Variants in FBXO15 observed in about 807,000 individuals in gnomAD.
FBXO15 encodes F-box only protein 15.
In FBXO15, 30 loss-of-function variants were observed where a neutral mutation model predicts 49.5. The observed-to-expected ratio is 0.61, with a 90% confidence interval of 0.45 to 0.82. The LOEUF is 0.82. FBXO15 is among the 40% of genes least tolerant of loss of function. The pLI is 0.00. For missense variants in FBXO15, 591 were observed against 631.5 expected (o/e 0.94, Z 0.69); for synonymous variants, 250 against 232.7 (o/e 1.07, Z -0.68).
chr18:74,144,395 T>A (rs1427382100), intron 1 of FBXO15, among the ~76,000 whole-genome samples: 1 of 150,592 alleles, frequency 6.6e-6, no homozygotes, highest in Non-Finnish European at 1.5e-5. Context: ...CTGTAATAAG[T>A]TGGGGGGTGG....
chr18:74,140,584 A>T (rs544497819), intron 1 of FBXO15: 1 of 361,188 alleles, frequency 2.8e-6, no homozygotes, highest in South Asian at 4.4e-5. Flanking sequence ...CTTGATGGTA[A>T]GGAAGGAAGA....
intron 9 of FBXO15, among the ~76,000 whole-genome samples, chr18:74,077,529 G>C (rs1408289751): frequency 3.3e-5 from 5 of 152,190 alleles, no homozygotes; most frequent in Admixed American, 2.6e-4. Flanking sequence ...TCCTGGAACA[G>C]CAGCGACCAG....
In FBXO15 at chr18:74,075,023, T is replaced by G. The variant is rs1912202977; in HGVS notation, c.1264-1293A>C. 6.6e-6 allele frequency among the ~76,000 whole-genome samples: 1 copy of G among 152,170 alleles called. No individual in the cohort carries two copies. Among genetic ancestry groups the G allele is most frequent in the Non-Finnish European group, 1.5e-5 (1 of 68,024 alleles). On this transcript the variant is annotated intron_variant, in intron 9 of 9. Transcript: ENST00000419743. The surrounding 1 kb of genome is among the most constrained non-coding windows in gnomAD (Gnocchi z 4.1). ...CCCCAGCCCCAGAGGAGCGCAGTTA[T>G]TTTCTATCTGTCTGGACCTGAGCAC...
At chr18:74,139,253 C>T (rs574371273) in intron 2 of FBXO15, among the ~76,000 whole-genome samples, 2 of 152,234 alleles carry the variant, frequency 1.3e-5, no homozygotes, top group African/African-American at 4.8e-5. Context: ...GCCTCCCCGA[C>T]TAATCATCAG....
At chr18:74,134,844 A>C (rs947500905) in intron 3 of FBXO15, among the ~76,000 whole-genome samples, 2 of 151,976 alleles carry the variant, frequency 1.3e-5, no homozygotes, top group Non-Finnish European at 2.9e-5. Context: ...GGGTTAACTA[A>C]TATGACAGCT....
At chr18:74,138,134 C>T (rs1317185609) in intron 2 of FBXO15, among the ~76,000 whole-genome samples, 1 of 152,120 alleles carries the variant, frequency 6.6e-6, no homozygotes, top group Non-Finnish European at 1.5e-5. Context: ...TCTCCCCACC[C>T]CCATCTCTCT....
intron 8 of FBXO15, among the ~76,000 whole-genome samples, chr18:74,082,444 A>C (rs1912543290): frequency 1.3e-5 from 2 of 152,228 alleles, no homozygotes; most frequent in African/African-American, 4.8e-5. Flanking sequence ...AGAAATGGCA[A>C]AGAAACAAGG....
intron 8 of FBXO15, among the ~76,000 whole-genome samples, chr18:74,086,632 G>A (rs1479729391): frequency 6.6e-6 from 1 of 152,142 alleles, no homozygotes; most frequent in East Asian, 1.9e-4. Flanking sequence ...GAATGGTCTC[G>A]ATCTCCTGAC....
At chr18:74,078,017 T>C (rs187074749) in intron 9 of FBXO15, among the ~76,000 whole-genome samples, 183 of 152,140 alleles carry the variant, frequency 1.2e-3, no homozygotes, top group Non-Finnish European at 2.3e-3. Flanking sequence ...TGCGAGAAGG[T>C]TGAGGAGGAG....
At chr18:74,145,593 A>AGTTT (rs1568186088) in intron 1 of FBXO15, among the ~76,000 whole-genome samples, 1 of 108,144 alleles carries the variant, frequency 9.2e-6, no homozygotes, top group African/African-American at 4.5e-5. Context: ...AACCAACTGC[A>AGTTT]CTTTTTTTTT....
chr18:74,142,658 C>T (rs1979156413), intron 1 of FBXO15, among the ~76,000 whole-genome samples: 1 of 152,266 alleles, frequency 6.6e-6, no homozygotes, highest in South Asian at 2.1e-4. Flanking sequence ...GTCTCTGTGC[C>T]TCTTCTTATA....
intron 8 of FBXO15, among the ~76,000 whole-genome samples, chr18:74,115,084 T>C (rs1439880657): frequency 6.6e-6 from 1 of 152,046 alleles, no homozygotes; most frequent in Non-Finnish European, 1.5e-5. Context: ...CACGCCAAAA[T>C]AGAACATCCT....
chr18:74,130,863 T>G (rs576196354), intron 3 of FBXO15: 1 of 522,948 alleles, frequency 1.9e-6, no homozygotes, highest in Admixed American at 3.7e-5. Context: ...AAAACACATT[T>G]TAAAAAAAGG....
intron 8 of FBXO15, among the ~76,000 whole-genome samples, chr18:74,102,522 C>T (rs1399064739): frequency 6.6e-6 from 1 of 152,164 alleles, no homozygotes; most frequent in African/African-American, 2.4e-5. Flanking sequence ...TAAACTAGTA[C>T]AACCACTGTG....
intron 8 of FBXO15, among the ~76,000 whole-genome samples, chr18:74,095,496 C>T (rs776442290): frequency 8.5e-5 from 13 of 152,102 alleles, no homozygotes; most frequent in Non-Finnish European, 1.6e-4. Context: ...GGGAGAAGGA[C>T]GGCTGAACAG....
intron 8 of FBXO15, among the ~76,000 whole-genome samples, chr18:74,115,683 C>G (rs1050090492): frequency 2.0e-5 from 3 of 152,266 alleles, no homozygotes; most frequent in Admixed American, 2.0e-4. Flanking sequence ...TAAAGAAATA[C>G]ATATGTATCT....
intron 8 of FBXO15, among the ~76,000 whole-genome samples, chr18:74,117,264 A>G (rs960343559): frequency 4.6e-5 from 7 of 152,086 alleles, no homozygotes; most frequent in African/African-American, 1.7e-4. Flanking sequence ...TACTGGGGGG[A>G]AAATCACAAA....
Position 74,074,414 on chromosome 18 carries a change from C to A in FBXO15, c.1264-684G>T, listed in dbSNP as rs968927661. ...AGCCTCCAGTATCCTGGACTCTCAA[C>A]TCCTGAGCTGGTCAACTCCATGACC... is the stretch of plus-strand genomic sequence containing the variant. On this transcript the variant is annotated intron_variant, in intron 9 of 9. Transcript: ENST00000419743. The surrounding 1 kb of genome is among the most constrained non-coding windows in gnomAD (Gnocchi z 4.7). Among the ~76,000 whole-genome samples the A allele has an allele frequency of 3.3e-5, 5 of 152,224 alleles. No homozygotes were observed. The highest frequency in any genetic ancestry group is 7.3e-5 in the Non-Finnish European group (5 of 68,050).
At chr18:74,124,400 G>T in intron 7 of FBXO15, 89 bp downstream of exon 7, 1 of 1,041,108 alleles carries the variant, frequency 9.6e-7, no homozygotes, top group Non-Finnish European at 1.5e-6. Flanking sequence ...TATCTCTGCA[G>T]CTATTCTCAG....
Sources: gnomAD v4.1 joint callset for allele counts (sites outside exome capture counted in the v4.1 genomes callset) on GRCh38, gnomAD v4.1.1 for gene constraint, Gnocchi (gnomAD v3.1) non-coding constraint, MANE v1.5 for transcripts, NCBI Gene and HGNC (gene_info 2026-07-23, HGNC 2026-07-21) for gene names.